RGS6: variants seen among roughly 807,000 people sequenced by gnomAD.
The protein encoded by RGS6 is regulator of G-protein signaling 6.
Under a neutral mutation model 78.5 loss-of-function variants are expected in RGS6, and 30 were observed. That is an observed-to-expected ratio of 0.38 (90% CI 0.29 to 0.52). The LOEUF is 0.52. RGS6 is among the 20% of genes least tolerant of loss of function. The probability of loss-of-function intolerance (pLI) is 0.85; values close to 1 mark genes in which losing one functional copy is unlikely to be tolerated. For synonymous variants in RGS6, 206 were observed against 206.0 expected (o/e 1.00, Z 0.00); for missense variants, 495 against 609.7 (o/e 0.81, Z 1.98).
chr14:72,344,931 G>A (rs940289921), intron 2 of RGS6, among the ~76,000 whole-genome samples: 3 of 152,150 alleles, frequency 2.0e-5, no homozygotes, highest in African/African-American at 4.8e-5. Context: ...GCAAGGTCTC[G>A]TGGTAGACAG....
chr14:72,036,992 G>T (rs950194484), intron 2 of RGS6, among the ~76,000 whole-genome samples: 4 of 152,160 alleles, frequency 2.6e-5, no homozygotes, highest in African/African-American at 4.8e-5. Flanking sequence ...GTGGGGACTT[G>T]GAGAACTTTC....
intron 17 of RGS6, chr14:72,547,408 A>C: frequency 8.1e-7 from 1 of 1,236,578 alleles, no homozygotes. Context: ...CCCCAAAATG[A>C]GCTCCTGGTG....
At chr14:72,582,478 AG>A in the RGS6 span, among the ~76,000 whole-genome samples, 1 of 152,226 alleles carries the variant, frequency 6.6e-6, no homozygotes, top group Admixed American at 6.5e-5. Context: ...CAATAGCTTG[AG>A]GTGAGCATAA....
rs2093990354 is a variant in RGS6, at chr14:71,974,316, A to G, written c.84+9441A>G. 2.6e-5 allele frequency among the ~76,000 whole-genome samples: 4 copies of G among 152,262 alleles called. No homozygotes were observed. In the South Asian group the frequency reaches 8.3e-4, roughly 31 times the overall value. On this transcript the variant is annotated intron_variant, in intron 2 of 17. Coordinates refer to ENST00000553525, the MANE Select transcript of RGS6 (RefSeq NM_001204424.2). ...TTAGTTTGCCAGTACAGAGCAAAAC[A>G]GAAAATGGACACATTTTTTTGATCA...
At chr14:72,348,505 C>G (rs2078489130) in intron 2 of RGS6, among the ~76,000 whole-genome samples, 1 of 152,174 alleles carries the variant, frequency 6.6e-6, no homozygotes, top group Non-Finnish European at 1.5e-5. Flanking sequence ...GGTCTGTACT[C>G]TTGGGACTTC....
chr14:72,242,190 A>C (rs2047343043), intron 2 of RGS6, among the ~76,000 whole-genome samples: 1 of 152,168 alleles, frequency 6.6e-6, no homozygotes, highest in African/African-American at 2.4e-5. Context: ...AGCCAGAGAT[A>C]AGGGTTTATA....
chr14:72,172,532 C>T (rs2097038161), intron 2 of RGS6, among the ~76,000 whole-genome samples: 1 of 152,094 alleles, frequency 6.6e-6, no homozygotes. Context: ...CTCCCCCCAG[C>T]ATTGATGTGT....
At chr14:72,375,694 G>T (rs1383261209) in intron 3 of RGS6, among the ~76,000 whole-genome samples, 2 of 152,170 alleles carry the variant, frequency 1.3e-5, no homozygotes, top group African/African-American at 4.8e-5. Context: ...CTCTGGAAAA[G>T]TTGCACCGCT....
rs770001138 is a variant in RGS6 at position 72,150,437 on chromosome 14, C to T, written c.84+185562C>T. Reference sequence around the variant, plus strand: ...TTTGTGGCAACTTCTTATGGCAGTCCTAGGAAATTATACACGAAGTTAGAG... The same window carrying T: ...TTTGTGGCAACTTCTTATGGCAGTCTTAGGAAATTATACACGAAGTTAGAG... On this transcript the variant is annotated intron_variant, in intron 2 of 17. Transcript: ENST00000553525. Among the ~76,000 whole-genome samples the T allele has an allele frequency of 4.6e-5, 7 of 151,870 alleles. No homozygotes were observed. The East Asian group carries it at 7.7e-4, about 17-fold the overall frequency.
At chr14:72,582,465 G>A in the RGS6 span, among the ~76,000 whole-genome samples, 7 of 152,102 alleles carry the variant, frequency 4.6e-5, no homozygotes, top group East Asian at 1.3e-3. Flanking sequence ...TTACCCAGTG[G>A]GGCAATAGCT....
chr14:71,887,146 GT>G, the RGS6 span, among the ~76,000 whole-genome samples: 129 of 152,280 alleles, frequency 8.5e-4, 1 homozygote, highest in African/African-American at 2.9e-3. Flanking sequence ...ACGTTTATCA[GT>G]TCCCAAGTAA....
intron 2 of RGS6, among the ~76,000 whole-genome samples, chr14:72,132,526 A>C (rs560625558): frequency 1.3e-5 from 2 of 151,780 alleles, no homozygotes; most frequent in East Asian, 3.9e-4. Context: ...TGATCCACCC[A>C]CCTTGGCCTC....
At chr14:72,056,806 AAC>A (rs756833517) in intron 2 of RGS6, among the ~76,000 whole-genome samples, 3 of 152,224 alleles carry the variant, frequency 2.0e-5, no homozygotes, top group Non-Finnish European at 4.4e-5. Flanking sequence ...GTTTACATGA[AAC>A]ACAATAAACT....
chr14:71,982,420 T>C (rs2094511452), intron 2 of RGS6, among the ~76,000 whole-genome samples: 1 of 152,232 alleles, frequency 6.6e-6, no homozygotes, highest in Non-Finnish European at 1.5e-5. Flanking sequence ...ACTTAACTAT[T>C]TTTTTCTTTT....
chr14:72,099,384 C>T (rs2153521141), intron 2 of RGS6, among the ~76,000 whole-genome samples: 1 of 152,210 alleles, frequency 6.6e-6, no homozygotes, highest in African/African-American at 2.4e-5. Flanking sequence ...TGGTCTCGAC[C>T]TCCTGACCTG....
intron 6 of RGS6, among the ~76,000 whole-genome samples, chr14:72,463,700 G>T (rs7154128): frequency 1.7e-3 from 264 of 152,344 alleles, no homozygotes; most frequent in African/African-American, 5.8e-3. Flanking sequence ...CAAAGCAGCT[G>T]CCACCTCCAC....
At chr14:72,506,064 GC>G (rs2096794653) in intron 13 of RGS6, among the ~76,000 whole-genome samples, 1 of 152,158 alleles carries the variant, frequency 6.6e-6, no homozygotes. Flanking sequence ...TTAGAAAAAG[GC>G]ATCCAGCTAG....
chr14:72,058,075 G>GT (rs112257816), intron 2 of RGS6, among the ~76,000 whole-genome samples: 13,788 of 134,854 alleles, frequency 0.1, 706 homozygotes, highest in African/African-American at 0.16. Context: ...TTTATGAGGT[G>GT]TTTTTTTTTT....
intron 2 of RGS6, among the ~76,000 whole-genome samples, chr14:72,068,942 T>C (rs1416284916): frequency 6.6e-6 from 1 of 152,086 alleles, no homozygotes; most frequent in Non-Finnish European, 1.5e-5. Flanking sequence ...TTTTATACTT[T>C]CTGTTTATTC....
Sources: allele counts gnomAD v4.1 joint callset (sites outside exome capture counted in the v4.1 genomes callset), GRCh38; gene constraint gnomAD v4.1.1; transcripts MANE v1.5; gene names NCBI Gene and HGNC (gene_info 2026-07-23, HGNC 2026-07-21).